CALCRL: variants seen among roughly 807,000 people sequenced by gnomAD.
The protein encoded by CALCRL is calcitonin gene-related peptide type 1 receptor.
In CALCRL, 27 loss-of-function variants were observed where a neutral mutation model predicts 60.4. The observed-to-expected ratio is 0.45, with a 90% confidence interval of 0.33 to 0.62. CALCRL has a LOEUF of 0.62. Ranked by LOEUF, CALCRL falls within the 20% of genes least tolerant of loss-of-function variation. CALCRL has a pLI of 0.03. For synonymous variants in CALCRL, 190 were observed against 182.6 expected, an observed-to-expected ratio of 1.04 and a Z score of -0.33; for missense variants, 424 against 540.7, an observed-to-expected ratio of 0.78 and a Z score of 2.14.
At chr2:187,383,448 A>T in intron 4 of CALCRL, 143 bp from the exon 5 acceptor site, 2 of 582,862 alleles carry the variant, frequency 3.4e-6, no homozygotes, top group Non-Finnish European at 5.7e-6. Context: ...AAAAAACCCC[A>T]ATTTGTAGTG....
chr2:187,423,986 G>A (rs1690012004), intron 1 of CALCRL, among the ~76,000 whole-genome samples: 1 of 151,994 alleles, frequency 6.6e-6, no homozygotes, highest in Non-Finnish European at 1.5e-5. Context: ...GCCCAATGAG[G>A]TAGTTCTTCA....
At chr2:187,409,377 C>G (rs565611940) in intron 1 of CALCRL, among the ~76,000 whole-genome samples, 1 of 152,236 alleles carries the variant, frequency 6.6e-6, no homozygotes, top group South Asian at 2.1e-4. Flanking sequence ...TTCTAAAATA[C>G]TAGGCTCAAA....
chr2:187,363,125 T>C (rs1430621155), intron 9 of CALCRL, among the ~76,000 whole-genome samples: 1 of 152,124 alleles, frequency 6.6e-6, no homozygotes, highest in Non-Finnish European at 1.5e-5. Flanking sequence ...TTATGTTCAC[T>C]CTGTATCTTG....
At chr2:187,372,496 T>C (rs1487933010) in intron 8 of CALCRL, among the ~76,000 whole-genome samples, 1 of 152,108 alleles carries the variant, frequency 6.6e-6, no homozygotes, top group African/African-American at 2.4e-5. Context: ...TTGGCTCTAA[T>C]ATAAAACTGA....
chr2:187,435,904 C>T (rs1345932414), intron 1 of CALCRL, among the ~76,000 whole-genome samples: 2 of 136,178 alleles, frequency 1.5e-5, no homozygotes, highest in Non-Finnish European at 3.3e-5. Flanking sequence ...GTATTTACCC[C>T]TGAATCTGAT....
intron 1 of CALCRL, among the ~76,000 whole-genome samples, chr2:187,391,782 A>G (rs901679892): frequency 6.6e-6 from 1 of 152,112 alleles, no homozygotes; most frequent in Non-Finnish European, 1.5e-5. Flanking sequence ...AAAATGATAT[A>G]TTTCATCACA....
chr2:187,402,377 T>G (rs1688926812), intron 1 of CALCRL, among the ~76,000 whole-genome samples: 1 of 151,460 alleles, frequency 6.6e-6, no homozygotes, highest in South Asian at 2.1e-4. Flanking sequence ...GTCTAATTGA[T>G]CAGCTGGAAT....
Position 187,383,622 on chromosome 2 carries a change from T to C in CALCRL, c.52-317A>G, listed in dbSNP as rs6758875. On this transcript the variant is annotated intron_variant, in intron 4 of 14. Coordinates refer to ENST00000392370, the MANE Select transcript of CALCRL (RefSeq NM_005795.6). Reference sequence around the variant, plus strand: ...GTGTTTTGGAATGTAGACAGAGATGTCTTCCAATCTGACCCGAATGTTTTT... The same window carrying C: ...GTGTTTTGGAATGTAGACAGAGATGCCTTCCAATCTGACCCGAATGTTTTT... Among the ~76,000 whole-genome samples, 164 of 152,266 alleles carry C rather than the reference T, an allele frequency of 1.1e-3. 1 individual carries two copies. Among genetic ancestry groups the C allele is most frequent in the African/African-American group, 3.9e-3 (161 of 41,554 alleles).
intron 7 of CALCRL, among the ~76,000 whole-genome samples, chr2:187,379,683 G>A (rs187618732): frequency 7.8e-4 from 118 of 152,194 alleles, no homozygotes; most frequent in African/African-American, 2.8e-3. Flanking sequence ...ATGATAGCTG[G>A]TAGTTATCAA....
Position 187,343,985 on chromosome 2 carries a change from T to G in CALCRL, c.*2199A>C, listed in dbSNP as rs1206681208. On this transcript the variant is annotated 3_prime_UTR_variant, in exon 15 of 15. Transcript: ENST00000392370. ...ATACTTGAAAATTACATGTTTATTT[T>G]AATATAATCTCTGATCATTCAACAT... The G allele has an allele frequency of 1.3e-5, 2 of 151,350 alleles. No individual in the cohort carries two copies. The highest frequency in any genetic ancestry group is 4.1e-4 in the South Asian group (2 of 4,828). The allele number at this position is 151,350 out of a possible 1,614,324, so 9.4% of individuals were successfully genotyped here.
At chr2:187,394,301 A>T (rs1350764136) in intron 1 of CALCRL, among the ~76,000 whole-genome samples, 1 of 152,056 alleles carries the variant, frequency 6.6e-6, no homozygotes, top group African/African-American at 2.4e-5. Flanking sequence ...TCTCCCCCAG[A>T]GTCTACAAAA....
At chr2:187,426,054 T>C (rs1272012555) in intron 1 of CALCRL, among the ~76,000 whole-genome samples, 14 of 151,808 alleles carry the variant, frequency 9.2e-5, no homozygotes, top group Admixed American at 9.2e-4. Flanking sequence ...TCTATTAAAA[T>C]TTATTTTTAT....
intron 1 of CALCRL, among the ~76,000 whole-genome samples, chr2:187,399,580 A>G (rs1688799063): frequency 6.6e-6 from 1 of 151,626 alleles, no homozygotes; most frequent in Admixed American, 6.6e-5. Context: ...GGGAGAAAAA[A>G]ATTGCAAATC....
In CALCRL at chr2:187,342,019, A is replaced by G. The variant is rs1368712444; in HGVS notation, c.*4165T>C. On this transcript the variant is annotated 3_prime_UTR_variant, in exon 15 of 15. Coordinates refer to ENST00000392370, the MANE Select transcript of CALCRL (RefSeq NM_005795.6). ...AGGTAAAAGCAAAACAAACATATCC[A>G]TCAACAGACAAATGAATAAATAAAA... Among the ~76,000 whole-genome samples the G allele has an allele frequency of 6.6e-6, 1 of 151,956 alleles. No individual in the cohort carries two copies. The highest frequency in any genetic ancestry group is 1.9e-4 in the East Asian group (1 of 5,196).
rs1220005424 is a variant in CALCRL, at chr2:187,344,217, T to G, written c.*1967A>C. On this transcript the variant is annotated 3_prime_UTR_variant, in exon 15 of 15. Coordinates refer to ENST00000392370, the MANE Select transcript of CALCRL (RefSeq NM_005795.6). ...AGCCTGCGTTCCTTTCTATGGCAGC[T>G]TGCTATGAAATTCATGTTTCAAACA... is the stretch of plus-strand genomic sequence containing the variant. 1 of 151,682 alleles carries G rather than the reference T, an allele frequency of 6.6e-6. No individual in the cohort carries two copies. Among genetic ancestry groups the G allele is most frequent in the Non-Finnish European group, 1.5e-5 (1 of 67,708 alleles). 9.4% of individuals were successfully genotyped at this position (151,682 alleles called of 1,614,324 possible). A position where few individuals can be genotyped will look rare whatever the true frequency, so the allele number is the denominator to read the frequency against.
At chr2:187,430,600 A>C (rs1360629029) in intron 1 of CALCRL, among the ~76,000 whole-genome samples, 3 of 152,150 alleles carry the variant, frequency 2.0e-5, no homozygotes. Context: ...TCTTTCTGGA[A>C]GCACCAATGC....
chr2:187,371,660 C>T lies in CALCRL; in HGVS notation c.500+7280G>A, dbSNP rs546593262. Among the ~76,000 whole-genome samples, 4 of 151,770 alleles carry T rather than the reference C, an allele frequency of 2.6e-5. No homozygotes were observed. The East Asian group carries it at 7.8e-4, about 30-fold the overall frequency. ...CTGAGGCAGGAGAATCGCTTGAACCCGGGAAGCAGAGGTTGCAGTGAGCCA... is the reference window on the plus strand; with the variant it reads ...CTGAGGCAGGAGAATCGCTTGAACCTGGGAAGCAGAGGTTGCAGTGAGCCA... On this transcript the variant is annotated intron_variant, in intron 8 of 14. Transcript: ENST00000392370.
At chr2:187,353,221 T>G (rs181484963) in intron 12 of CALCRL, among the ~76,000 whole-genome samples, 10 of 152,042 alleles carry the variant, frequency 6.6e-5, no homozygotes, top group Non-Finnish European at 1.3e-4. Context: ...TGGTCCATTT[T>G]CTCTATGCCC....
rs139096882 is a variant in CALCRL at position 187,343,879 on chromosome 2, C to A, written c.*2305G>T. 3.3e-5 allele frequency: 5 copies of A among 151,508 alleles called. No homozygotes were observed. Among genetic ancestry groups the A allele is most frequent in the Admixed American group, 3.3e-4 (5 of 15,164 alleles). The allele number at this position is 151,508 out of a possible 1,614,324, so 9.4% of individuals were successfully genotyped here. ...AGTGATTAATCATGAATGACTGCTA[C>A]GCCTCAAGACTCTACAACAGACAAA... On this transcript the variant is annotated 3_prime_UTR_variant, in exon 15 of 15. Transcript: ENST00000392370.
Sources: gnomAD v4.1 joint callset for allele counts (sites outside exome capture counted in the v4.1 genomes callset) on GRCh38, gnomAD v4.1.1 for gene constraint, MANE v1.5 for transcripts, NCBI Gene and HGNC (gene_info 2026-07-23, HGNC 2026-07-21) for gene names.